The following MACROD2 variants were observed in gnomAD, a reference collection of about 807,000 sequenced individuals.
MACROD2 encodes mono-ADP ribosylhydrolase 2.
In MACROD2, 36 loss-of-function variants were observed where a neutral mutation model predicts 70.4. That is an observed-to-expected ratio of 0.51 (90% confidence interval 0.39 to 0.68). The LOEUF is 0.68. Among genes scored for constraint, MACROD2 ranks in the 30% least tolerant of loss-of-function variants. The probability of loss-of-function intolerance (pLI) is 0.00; values close to 1 mark genes in which losing one functional copy is unlikely to be tolerated. For missense variants in MACROD2, 496 were observed against 538.4 expected (o/e 0.92, Z 0.78); for synonymous variants, 172 against 178.8 (o/e 0.96, Z 0.30).
At chr20:15,404,358 C>T (rs2045969209) in intron 6 of MACROD2, among the ~76,000 whole-genome samples, 1 of 152,048 alleles carries the variant, frequency 6.6e-6, no homozygotes, top group Admixed American at 6.6e-5. Flanking sequence ...GTTTTTAATG[C>T]TACTGTGTAT....
intron 5 of MACROD2, among the ~76,000 whole-genome samples, chr20:15,191,398 CATT>C (rs1445133729): frequency 6.6e-6 from 1 of 152,168 alleles, no homozygotes; most frequent in Non-Finnish European, 1.5e-5. Context: ...GGTGGGAAGC[CATT>C]AGGATGCCAG....
rs547470899 is a variant in MACROD2, at chr20:15,062,441, A to G, written c.419-167499A>G. On this transcript the variant is annotated intron_variant, in intron 5 of 17. Transcript: ENST00000684519. The stretch of plus-strand genomic sequence containing the variant: ...CTAGACATCCTGTATTTTATCTGGC[A>G]ACTCTGCTTCCAAACCGCCTCCATT... Among the ~76,000 whole-genome samples the G allele has an allele frequency of 3.3e-5, 5 of 152,108 alleles. No individual in the cohort carries two copies. In the South Asian group the frequency reaches 1.0e-3, roughly 32 times the overall value.
chr20:15,076,997 A>G (rs1188756003), intron 5 of MACROD2, among the ~76,000 whole-genome samples: 1 of 152,176 alleles, frequency 6.6e-6, no homozygotes, highest in Non-Finnish European at 1.5e-5. Context: ...GCATTTTAAC[A>G]ATGTTTACAG....
chr20:15,697,033 C>A (rs1361097321), intron 8 of MACROD2, among the ~76,000 whole-genome samples: 1 of 151,764 alleles, frequency 6.6e-6, no homozygotes, highest in African/African-American at 2.4e-5. Flanking sequence ...TTTGTATTGT[C>A]TTTTTTGTTC....
intron 3 of MACROD2, among the ~76,000 whole-genome samples, chr20:14,367,267 G>T (rs1177421716): frequency 6.6e-6 from 1 of 151,960 alleles, no homozygotes; most frequent in African/African-American, 2.4e-5. Context: ...ATTGTTTTAT[G>T]CATCTGTCTT....
intron 3 of MACROD2, among the ~76,000 whole-genome samples, chr20:14,424,842 A>G (rs1223451691): frequency 6.6e-6 from 1 of 152,234 alleles, no homozygotes; most frequent in Admixed American, 6.5e-5. Flanking sequence ...TAAATCTATA[A>G]TAAATTGGGG....
In MACROD2 at chr20:14,998,555, G is replaced by T. The variant is rs2074969050; in HGVS notation, c.419-231385G>T. Among the ~76,000 whole-genome samples the T allele has an allele frequency of 1.3e-5, 2 of 151,802 alleles. 1 individual carries two copies. The highest frequency in any genetic ancestry group is 4.8e-5 in the African/African-American group (2 of 41,274). ...AAAGAATTAGTGAACTTGAAGACAG[G>T]GTATTTGAAAATACACAGTCACAGG... On this transcript the variant is annotated intron_variant, in intron 5 of 17. Coordinates refer to ENST00000684519, the MANE Select transcript of MACROD2 (RefSeq NM_001351661.2).
intron 5 of MACROD2, among the ~76,000 whole-genome samples, chr20:15,121,611 G>A (rs2076031805): frequency 6.6e-6 from 1 of 151,872 alleles, no homozygotes; most frequent in African/African-American, 2.4e-5. Flanking sequence ...TCTACTCTAT[G>A]TCTAGGCTAA....
At chr20:16,033,978 G>A (rs113059585) in intron 15 of MACROD2, among the ~76,000 whole-genome samples, 2 of 151,924 alleles carry the variant, frequency 1.3e-5, no homozygotes, top group African/African-American at 4.8e-5. Flanking sequence ...TTTGTTGTAG[G>A]GAAAGTGGGG....
At chr20:15,147,063 C>A (rs959999225) in intron 5 of MACROD2, among the ~76,000 whole-genome samples, 2 of 152,148 alleles carry the variant, frequency 1.3e-5, no homozygotes, top group Middle Eastern at 3.4e-3. Context: ...TAAATCGTAA[C>A]TTAATGCCCT....
rs2046688011 is a variant in MACROD2 at position 15,454,398 on chromosome 20, C to T, written c.571+22963C>T. On this transcript the variant is annotated intron_variant, in intron 7 of 17. Transcript: ENST00000684519. ...CAAATGCTATATCCCTCTCATTTGA[C>T]ATATTCAAACACACACACACACACA... 1.4e-5 allele frequency among the ~76,000 whole-genome samples: 2 copies of T among 142,842 alleles called. 1 individual carries two copies. Among genetic ancestry groups the T allele is most frequent in the South Asian group, 4.5e-4 (2 of 4,432 alleles). The allele number at this position is 142,842 out of a possible 152,430, so 93.7% of individuals were successfully genotyped here.
chr20:15,298,315 C>G (rs1431983624), intron 6 of MACROD2, among the ~76,000 whole-genome samples: 1 of 152,150 alleles, frequency 6.6e-6, no homozygotes, highest in Admixed American at 6.6e-5. Flanking sequence ...TATTCTGTTC[C>G]AAGCACCCAG....
intron 5 of MACROD2, among the ~76,000 whole-genome samples, chr20:14,973,225 C>CTTTTTTTTT (rs1223038135): frequency 4.7e-5 from 4 of 85,736 alleles, no homozygotes; most frequent in Admixed American, 1.4e-4. Flanking sequence ...TGAGTAGTTG[C>CTTTTTTTTT]TTTTTTTTTT....
At chr20:15,663,835 T>C (rs546578588) in intron 8 of MACROD2, among the ~76,000 whole-genome samples, 2 of 152,266 alleles carry the variant, frequency 1.3e-5, no homozygotes, top group Admixed American at 1.3e-4. Flanking sequence ...CTTCCCCACA[T>C]AAGGCCCCAC....
At chr20:14,531,106 G>T (rs568938134) in intron 4 of MACROD2, among the ~76,000 whole-genome samples, 1 of 152,304 alleles carries the variant, frequency 6.6e-6, no homozygotes, top group African/African-American at 2.4e-5. Context: ...AGGGAAGGTA[G>T]GAGGAGGAGG....
intron 8 of MACROD2, among the ~76,000 whole-genome samples, chr20:15,678,852 T>C (rs567448823): frequency 6.6e-6 from 1 of 152,256 alleles, no homozygotes; most frequent in Admixed American, 6.5e-5. Flanking sequence ...AGCTCTGATT[T>C]GGAGTGTTTT....
chr20:15,610,218 C>T (rs144744579), intron 8 of MACROD2, among the ~76,000 whole-genome samples: 20 of 152,352 alleles, frequency 1.3e-4, no homozygotes, highest in Admixed American at 1.3e-3. Flanking sequence ...ACCGTTGCCA[C>T]TTTATCTCTT....
At chr20:15,004,961 C>G (rs563296082) in intron 5 of MACROD2, among the ~76,000 whole-genome samples, 1 of 151,976 alleles carries the variant, frequency 6.6e-6, no homozygotes, top group South Asian at 2.1e-4. Context: ...AATATTGTGG[C>G]GAGTAAGGAG....
intron 8 of MACROD2, among the ~76,000 whole-genome samples, chr20:15,845,203 T>A (rs192288922): frequency 3.0e-4 from 45 of 152,252 alleles, no homozygotes; most frequent in Non-Finnish European, 5.3e-4. Context: ...TGGATTAAGG[T>A]AGATCCTAAT....
Sources: gnomAD v4.1 joint callset for allele counts (sites outside exome capture counted in the v4.1 genomes callset) on GRCh38, gnomAD v4.1.1 for gene constraint, MANE v1.5 for transcripts, NCBI Gene and HGNC (gene_info 2026-07-23, HGNC 2026-07-21) for gene names.